RHOBTB1: variants seen among roughly 807,000 people sequenced by gnomAD.
RHOBTB1 encodes the protein Rho related BTB domain containing 1.
In RHOBTB1, 40 loss-of-function variants were observed where a neutral mutation model predicts 71.6. That is an observed-to-expected ratio of 0.56 (90% CI 0.43 to 0.73). The LOEUF is 0.73. RHOBTB1 is among the 30% of genes least tolerant of loss of function. The pLI is 0.00. For synonymous variants in RHOBTB1, 319 were observed against 334.9 expected, an observed-to-expected ratio of 0.95 and a Z score of 0.52; for missense variants, 797 against 894.0, an observed-to-expected ratio of 0.89 and a Z score of 1.38.
At chr10:60,895,751 C>T (rs1169156078) in intron 4 of RHOBTB1, among the ~76,000 whole-genome samples, 7 of 152,220 alleles carry the variant, frequency 4.6e-5, no homozygotes, top group Admixed American at 3.3e-4. Flanking sequence ...TTGTGGTTAA[C>T]CCTTGTTGAT....
downstream of RHOBTB1, among the ~76,000 whole-genome samples, chr10:60,866,110 G>A (rs1455426610): frequency 2.0e-5 from 3 of 152,186 alleles, no homozygotes; most frequent in Non-Finnish European, 2.9e-5. Flanking sequence ...GGGATTGCAG[G>A]AGTGAGCCAC....
chr10:60,995,860 A>G (rs1201547990), intron 1 of RHOBTB1, among the ~76,000 whole-genome samples: 3 of 152,082 alleles, frequency 2.0e-5, no homozygotes, highest in Non-Finnish European at 4.4e-5. Context: ...AAAAAAAATC[A>G]GGTTCAAGCA....
chr10:60,927,561 A>G (rs1298700409), intron 2 of RHOBTB1, among the ~76,000 whole-genome samples: 1 of 152,202 alleles, frequency 6.6e-6, no homozygotes, highest in East Asian at 1.9e-4. Context: ...AAAAATTCCC[A>G]CATTTACAGC....
chr10:60,951,911 AG>A (rs879828723), intron 2 of RHOBTB1, among the ~76,000 whole-genome samples: 17,932 of 152,042 alleles, frequency 0.12, 1,355 homozygotes, highest in East Asian at 0.33. Flanking sequence ...ACAAAAAATT[AG>A]CCGGGCATGC....
intron 6 of RHOBTB1, among the ~76,000 whole-genome samples, chr10:60,886,728 G>C (rs748412976): frequency 6.9e-5 from 6 of 86,624 alleles, no homozygotes; most frequent in African/African-American, 1.7e-4. Flanking sequence ...GGGGGGGGGT[G>C]GGTCTGGCTA....
chr10:60,918,238 C>T (rs907445048), intron 2 of RHOBTB1, among the ~76,000 whole-genome samples: 1 of 152,192 alleles, frequency 6.6e-6, no homozygotes, highest in African/African-American at 2.4e-5. Flanking sequence ...TCTCTGAGGG[C>T]AACCCATTGG....
chr10:60,864,816 G>A (rs1589128961), downstream of RHOBTB1, among the ~76,000 whole-genome samples: 2 of 152,010 alleles, frequency 1.3e-5, no homozygotes, highest in Admixed American at 6.6e-5. Context: ...CCTTAGCCTC[G>A]CATAGCTAGG....
At chr10:60,947,585 T>C (rs2085279989), upstream of RHOBTB1, among the ~76,000 whole-genome samples, 1 of 152,104 alleles carries the variant, frequency 6.6e-6, no homozygotes, top group Non-Finnish European at 1.5e-5. Context: ...AGATTGACTT[T>C]TTTTGTTTGT....
chr10:60,943,477 A>G (rs565638854), intron 1 of RHOBTB1, among the ~76,000 whole-genome samples: 2 of 152,090 alleles, frequency 1.3e-5, no homozygotes, highest in South Asian at 4.2e-4. Context: ...AACAGACTCC[A>G]TAGACACGGG....
intron 2 of RHOBTB1, among the ~76,000 whole-genome samples, chr10:60,926,628 AC>A (rs1343522079): frequency 2.6e-5 from 4 of 152,252 alleles, no homozygotes; most frequent in African/African-American, 9.6e-5. Flanking sequence ...AAGGAAAAAA[AC>A]AATATGATCA....
intron 4 of RHOBTB1, among the ~76,000 whole-genome samples, chr10:60,909,661 C>T (rs754351992): frequency 4.1e-4 from 63 of 151,922 alleles, no homozygotes; most frequent in Non-Finnish European, 6.9e-4. Context: ...AGCAAAATGG[C>T]ACCTAAGATA....
intron 10 of RHOBTB1, chr10:60,871,954 G>C (rs1290643662): frequency 1.6e-6 from 1 of 614,944 alleles, no homozygotes. Flanking sequence ...TCTGCAACAG[G>C]GCACCCTGGA....
intron 7 of RHOBTB1, among the ~76,000 whole-genome samples, chr10:60,878,307 T>C (rs2081143392): frequency 6.6e-6 from 1 of 152,186 alleles, no homozygotes; most frequent in Non-Finnish European, 1.5e-5. Flanking sequence ...TATTTGGACT[T>C]CTAAATCAGA....
intron 6 of RHOBTB1, 80 bp from the exon 7 acceptor site, chr10:60,886,310 C>A: frequency 2.2e-6 from 2 of 894,938 alleles, no homozygotes; most frequent in Non-Finnish European, 1.8e-6. Flanking sequence ...CCATAGCCAC[C>A]AAACTGCGAC....
rs75642734 is a variant in RHOBTB1 at position 60,992,138 on chromosome 10, C to T, written c.-162-6193G>A. Among the ~76,000 whole-genome samples, 242 of 152,206 alleles carry T rather than the reference C, an allele frequency of 1.6e-3. 1 individual carries two copies. Among genetic ancestry groups the T allele is most frequent in the African/African-American group, 5.5e-3 (228 of 41,528 alleles). ...CTCAGGATTTTTAAATCCTGGGGTA[C>T]ATTTTGCACAGAACTGGGGTCAGTC... is the stretch of plus-strand genomic sequence containing the variant. On this transcript the variant is annotated intron_variant, in intron 1 of 11. Coordinates refer to the RHOBTB1 transcript ENST00000357917.
At chr10:60,901,539 T>C (rs1328816189) in intron 4 of RHOBTB1, among the ~76,000 whole-genome samples, 3 of 152,194 alleles carry the variant, frequency 2.0e-5, no homozygotes, top group African/African-American at 4.8e-5. Flanking sequence ...AGCTGAAAGA[T>C]AGGTAACAGA....
chr10:60,964,812 T>C (rs1198314171), intron 2 of RHOBTB1, among the ~76,000 whole-genome samples: 1 of 152,116 alleles, frequency 6.6e-6, no homozygotes, highest in Non-Finnish European at 1.5e-5. Flanking sequence ...TAATTTCAAG[T>C]GGAGAGCAAA....
chr10:60,983,697 C>A (rs7917689), intron 2 of RHOBTB1, among the ~76,000 whole-genome samples: 1 of 152,094 alleles, frequency 6.6e-6, no homozygotes, highest in African/African-American at 2.4e-5. Flanking sequence ...CATGTAATAA[C>A]CCCCTAAAGA....
intron 2 of RHOBTB1, among the ~76,000 whole-genome samples, chr10:60,924,473 C>T (rs1480370192): frequency 6.6e-6 from 1 of 152,036 alleles, no homozygotes; most frequent in South Asian, 2.1e-4. Context: ...AGTCAACACT[C>T]GAGCATCCAG....
Sources: allele counts gnomAD v4.1 joint callset (sites outside exome capture counted in the v4.1 genomes callset), GRCh38; gene constraint gnomAD v4.1.1; transcripts MANE v1.5; gene names NCBI Gene and HGNC (gene_info 2026-07-23, HGNC 2026-07-21).